Variants in KRT33A observed in about 807,000 individuals in gnomAD.
The protein encoded by KRT33A is keratin 33A, also known as keratin, type I cuticular Ha3-I.
A neutral mutation model predicts 41.1 loss-of-function variants in KRT33A; 44 were observed. The observed-to-expected ratio is 1.07, with a 90% CI of 0.84 to 1.38. The LOEUF (loss-of-function observed/expected upper bound fraction) is 1.38, where lower values mean the gene tolerates loss of function less well. KRT33A is among the 40% of genes most tolerant of loss of function. KRT33A has a pLI of 0.00. For missense variants in KRT33A, 536 were observed against 518.5 expected (o/e 1.03, Z -0.33); for synonymous variants, 229 against 227.8 (o/e 1.01, Z -0.05).
At position 41,347,219 on chromosome 17, in the gene KRT33A, C is replaced by T; in HGVS notation, c.592G>A (p.Val198Ile). 1 of 1,597,170 alleles carries T rather than the reference C, an allele frequency of 6.3e-7. No homozygotes were observed. Among genetic ancestry groups the T allele is most frequent in the Non-Finnish European group, 8.5e-7 (1 of 1,174,286 alleles). Residue 198 changes from valine (V) to isoleucine (I), a missense_variant, in exon 4 of 7, where the codon GTT (valine) becomes ATT (isoleucine). Coordinates refer to ENST00000007735, the MANE Select transcript of KRT33A (RefSeq NM_004138.4). ...CCAAGCTGGCAGCGCAGGGTGTTAACCTCCTGATGGAGAAAGGGCAAAATT... is the reference window on the plus strand; with the variant it reads ...CCAAGCTGGCAGCGCAGGGTGTTAATCTCCTGATGGAGAAAGGGCAAAATT... ...LCLKQNHEQEVNTLRCQLGDR... is the reference protein window; with the variant it reads ...LCLKQNHEQEINTLRCQLGDR...
chr17:41,349,956 G>A (rs1044948602), intron 1 of KRT33A, among the ~76,000 whole-genome samples: 1 of 152,146 alleles, frequency 6.6e-6, no homozygotes, highest in Non-Finnish European at 1.5e-5. Context: ...ACCAGGAGAA[G>A]CCCAGAGGCA....
Position 41,346,497 on chromosome 17 carries a change from C to T in KRT33A, c.1048G>A (p.Glu350Lys). ...QVLLDVRARLECEINTYRSLL... is the reference protein window; with the variant it reads ...QVLLDVRARLKCEINTYRSLL... ...CTCCGGTACGTGTTGATCTCACACT[C>T]CAGCCGCGCCCGCACGTCCAGCAGC... Residue 350 changes from glutamate (E) to lysine (K), a missense_variant, in exon 6 of 7, where the codon GAG becomes AAG. Coordinates refer to ENST00000007735, the MANE Select transcript of KRT33A (RefSeq NM_004138.4). 1.2e-6 allele frequency: 2 copies of T among 1,613,750 alleles called. No individual in the cohort carries two copies. The highest frequency in any genetic ancestry group is 1.1e-5 in the South Asian group (1 of 91,058).
chr17:41,346,442 A>G lies in KRT33A; in HGVS notation c.1097+6T>C, dbSNP rs372039771. 88 of 1,613,804 alleles carry G rather than the reference A, an allele frequency of 5.5e-5. No homozygotes were observed. In the African/African-American group the frequency reaches 1.0e-3, roughly 19 times the overall value. ...CCAAGGAGAAGATTACTACCCCCAT[A>G]CTGACTTGCAGTCCTCGCTCTCCAG... is the stretch of plus-strand genomic sequence containing the variant. On this transcript the variant is annotated splice_donor_region_variant and intron_variant, in intron 6 of 6. Transcript: ENST00000007735.
intron 3 of KRT33A, among the ~76,000 whole-genome samples, chr17:41,347,633 G>T (rs2017445129): frequency 6.6e-6 from 1 of 152,256 alleles, no homozygotes; most frequent in African/African-American, 2.4e-5. Context: ...AATACAGAAT[G>T]CTTACTTCAA....
At chr17:41,350,333 A>T in intron 1 of KRT33A, 87 bp downstream of exon 1, 2 of 1,495,950 alleles carry the variant, frequency 1.3e-6, no homozygotes, top group Admixed American at 3.9e-5. Context: ...TTTCATTCAC[A>T]TCAAGAGCTT....
chr17:41,346,197 G>T lies in KRT33A; in HGVS notation c.1137C>A (p.Asp379Glu). 1 of 1,614,206 alleles carries T rather than the reference G, an allele frequency of 6.2e-7. No individual in the cohort carries two copies. Among genetic ancestry groups the T allele is most frequent in the Non-Finnish European group, 8.5e-7 (1 of 1,180,038 alleles). The change falls in exon 7 of 7, where the codon GAC becomes GAA. Residue 379 changes from aspartate (D) to glutamate (E), a missense_variant. Physicochemically the swap from Asp to Glu is conservative, Grantham distance 45 (BLOSUM62 2). Coordinates refer to ENST00000007735, the MANE Select transcript of KRT33A (RefSeq NM_004138.4). ...SNPCATTNAC[D>E]KSTGPCISNP... The stretch of plus-strand genomic sequence containing the variant: ...TAGAGATACAGGGCCCAGTGGACTT[G>T]TCACATGCATTGGTTGTGGCGCAGG...
chr17:41,346,150 C>T lies in KRT33A; in HGVS notation c.1184G>A (p.Arg395Gln), dbSNP rs768584703. The part of the protein sequence containing the change: ...CISNPCGLRA[R>Q]CGPCNTFGY ...CCCAAATGTGTTGCAAGGCCCACAC[C>T]GAGCACGTAGGCCACAGGGATTAGA... Residue 395 changes from arginine to glutamine, a missense_variant, in exon 7 of 7, where the codon CGG becomes CAG. By Grantham distance (43) the Arg-to-Gln change is conservative. Transcript: ENST00000007735. 67 of 1,613,850 alleles carry T rather than the reference C, an allele frequency of 4.2e-5. No individual in the cohort carries two copies. Among genetic ancestry groups the T allele is most frequent in the Non-Finnish European group, 5.6e-5 (66 of 1,179,946 alleles).
chr17:41,350,463 C>G lies in KRT33A; in HGVS notation c.305G>C (p.Ser102Thr). ...SQQQEPLVCA[S>T]YQSYFKTIEE... is the part of the protein sequence containing the mutation. ...AATGGTCTTGAAGTAGGACTGGTAG[C>G]TGGCACACACCAAGGGCTCCTGCTG... Residue 102 changes from serine to threonine, a missense_variant, in exon 1 of 7, where the codon AGC becomes ACC. By Grantham distance (58) the Ser-to-Thr change is moderately conservative. Transcript: ENST00000007735. 2 of 1,614,104 alleles carry G rather than the reference C, an allele frequency of 1.2e-6. No homozygotes were observed. Among genetic ancestry groups the G allele is most frequent in the Non-Finnish European group, 1.7e-6 (2 of 1,180,026 alleles).
At position 41,350,515 on chromosome 17, in the gene KRT33A, C is replaced by T. The variant is rs752173912; in HGVS notation, c.253G>A (p.Glu85Lys). The change falls in exon 1 of 7, where the codon GAG becomes AAG. Residue 85 changes from glutamate (E) to lysine (K), a missense_variant. Transcript: ENST00000007735. ...RQLERDNAELENLIRERSQQQ... is the reference protein window; with the variant it reads ...RQLERDNAELKNLIRERSQQQ... ...TGTGACCGCTCCCGGATGAGGTTCT[C>T]CAGCTCCGCGTTGTCCCGCTCCAGC... 1.2e-6 allele frequency: 2 copies of T among 1,614,140 alleles called. No homozygotes were observed. The highest frequency in any genetic ancestry group is 1.7e-6 in the Non-Finnish European group (2 of 1,180,038).
chr17:41,347,348 TA>T, intron 3 of KRT33A, 126 bp from the exon 4 acceptor site: 2 of 1,146,770 alleles, frequency 1.7e-6, no homozygotes, highest in Admixed American at 3.0e-5. Flanking sequence ...ATCCTGTCAC[TA>T]ACCAGGATCT....
At position 41,347,189 on chromosome 17, in the gene KRT33A, G is replaced by A. The variant is rs754527074; in HGVS notation, c.622C>T (p.Arg208Cys). 4.1e-5 allele frequency: 66 copies of A among 1,612,772 alleles called. No homozygotes were observed. Among genetic ancestry groups the A allele is most frequent in the South Asian group, 8.8e-5 (8 of 90,876 alleles). ...GCAGCGTCCACCTCCACGTTGAGGC[G>A]GTCTCCAAGCTGGCAGCGCAGGGTG... ...VNTLRCQLGDRLNVEVDAAPT... is the reference protein window; with the variant it reads ...VNTLRCQLGDCLNVEVDAAPT... The change falls in exon 4 of 7, where the codon CGC becomes TGC. Residue 208 changes from arginine to cysteine, a missense_variant. Physicochemically the swap from Arg to Cys is radical, Grantham distance 180. Transcript: ENST00000007735.
rs1450048438 is a variant in KRT33A, at chr17:41,347,321, A to T, written c.589-99T>A. The T allele has an allele frequency of 2.2e-6, 3 of 1,395,098 alleles. No individual in the cohort carries two copies. In the African/African-American group the frequency reaches 4.3e-5, roughly 20 times the overall value. 86.4% of individuals were successfully genotyped at this position (1,395,098 alleles called of 1,614,324 possible). A position where few individuals can be genotyped will look rare whatever the true frequency, so the allele number is the denominator to read the frequency against. On this transcript the variant is annotated intron_variant, in intron 3 of 6. Transcript: ENST00000007735. ...TTCTGATCATTCTTAAGCTTTCAAG[A>T]AACTTTGTTCCCTCTGATCCTGTCA...
chr17:41,348,658 C>G lies in KRT33A; in HGVS notation c.432-19G>C. On this transcript the variant is annotated intron_variant, in intron 2 of 6. Transcript: ENST00000007735. ...CTCATATCTGTGATCACAGGAGGGT[C>G]AGGAACAGGCTGGGCAGGAATAGGC... is the stretch of plus-strand genomic sequence containing the variant. The G allele has an allele frequency of 6.2e-7, 1 of 1,613,392 alleles. No individual in the cohort carries two copies. The highest frequency in any genetic ancestry group is 8.5e-7 in the Non-Finnish European group (1 of 1,179,494).
rs1394248061 is a variant in KRT33A at position 41,350,417 on chromosome 17, C to T, written c.348+3G>A. 1.9e-6 allele frequency: 3 copies of T among 1,612,810 alleles called. No individual in the cohort carries two copies. Among genetic ancestry groups the T allele is most frequent in the South Asian group, 2.2e-5 (2 of 91,024 alleles). ...TGGAGGCACTGTGTCGCCCACTCCT[C>T]ACCTTCTGCTGGAGCTCCTCAATGG... is the stretch of plus-strand genomic sequence containing the variant. On this transcript the variant is annotated splice_donor_region_variant and intron_variant, in intron 1 of 6. Coordinates refer to ENST00000007735, the MANE Select transcript of KRT33A (RefSeq NM_004138.4).
At position 41,346,244 on chromosome 17, in the gene KRT33A, C is replaced by A; in HGVS notation, c.1098-8G>T. On this transcript the variant is annotated splice_polypyrimidine_tract_variant and splice_region_variant and intron_variant, in intron 6 of 6. Coordinates refer to ENST00000007735, the MANE Select transcript of KRT33A (RefSeq NM_004138.4). ...CAGGGGTTGGAGGGGAGCCTGTGGGCAGAAAATCATTGGAGCAAGTTAGAG... is the reference window on the plus strand; with the variant it reads ...CAGGGGTTGGAGGGGAGCCTGTGGGAAGAAAATCATTGGAGCAAGTTAGAG... 6.2e-7 allele frequency: 1 copy of A among 1,612,580 alleles called. No homozygotes were observed. Among genetic ancestry groups the A allele is most frequent in the Non-Finnish European group, 8.5e-7 (1 of 1,178,750 alleles).
At position 41,347,069 on chromosome 17, in the gene KRT33A, C is replaced by T. The variant is rs750904301; in HGVS notation, c.742G>A (p.Ala248Thr). Residue 248 changes from alanine (A) to threonine (T), a missense_variant, in exon 4 of 7, where the codon GCC (alanine) becomes ACC (threonine). Transcript: ENST00000007735. The stretch of plus-strand genomic sequence containing the variant: ...CGTGCTTAGATGCCCACCTGCGTGG[C>T]GAACCATTGCTCCACTTCCCTGCGG... Reference protein sequence around the residue: ...TNRREVEQWFATQTEELNKQV... With the variant: ...TNRREVEQWFTTQTEELNKQV... 1.0e-4 allele frequency: 161 copies of T among 1,613,146 alleles called. No individual in the cohort carries two copies. The highest frequency in any genetic ancestry group is 1.5e-4 in the African/African-American group (11 of 74,892).
At position 41,347,191 on chromosome 17, in the gene KRT33A, T is replaced by C; in HGVS notation, c.620A>G (p.Asp207Gly). 1 of 1,612,764 alleles carries C rather than the reference T, an allele frequency of 6.2e-7. No homozygotes were observed. The highest frequency in any genetic ancestry group is 8.5e-7 in the Non-Finnish European group (1 of 1,179,608). The stretch of plus-strand genomic sequence containing the variant: ...AGCGTCCACCTCCACGTTGAGGCGG[T>C]CTCCAAGCTGGCAGCGCAGGGTGTT... ...EVNTLRCQLG[D>G]RLNVEVDAAP... Residue 207 changes from aspartate to glycine, a missense_variant, in exon 4 of 7, where the codon GAC (aspartate) becomes GGC (glycine). Physicochemically the swap from Asp to Gly is moderately conservative, Grantham distance 94. Transcript: ENST00000007735.
At chr17:41,346,785 C>A in intron 5 of KRT33A, 59 bp downstream of exon 5, 1 of 1,609,078 alleles carries the variant, frequency 6.2e-7, no homozygotes, top group Non-Finnish European at 8.5e-7. Flanking sequence ...CCAAGGGCAT[C>A]CCCAAGACTC....
At position 41,347,016 on chromosome 17, in the gene KRT33A, C is replaced by T. The variant is rs1170298020; in HGVS notation, c.750+45G>A. 4 of 1,611,650 alleles carry T rather than the reference C, an allele frequency of 2.5e-6. No homozygotes were observed. In the South Asian group the frequency reaches 4.4e-5, roughly 18 times the overall value. On this transcript the variant is annotated intron_variant, in intron 4 of 6. Coordinates refer to ENST00000007735, the MANE Select transcript of KRT33A (RefSeq NM_004138.4). ...AGGATCAGACCCTGCCTCCGGGGCC[C>T]TGGGGGGCCTCGGGTCCTGAGTGGC...
Sources: gnomAD v4.1 joint callset for allele counts (sites outside exome capture counted in the v4.1 genomes callset) on GRCh38, gnomAD v4.1.1 for gene constraint, MANE v1.5 for transcripts, NCBI Gene and HGNC (gene_info 2026-07-23, HGNC 2026-07-21) for gene names.